Variants in DGKA observed in about 807,000 individuals in gnomAD.
DGKA encodes 80 kDa diacylglycerol kinase.
Under a neutral mutation model 105.0 loss-of-function variants are expected in DGKA, and 35 were observed. The observed-to-expected ratio is 0.33, with a 90% confidence interval of 0.25 to 0.44. The LOEUF (loss-of-function observed/expected upper bound fraction) is 0.44. DGKA is among the 20% of genes least tolerant of loss of function. The pLI is 1.00. For missense variants in DGKA, 665 were observed against 915.0 expected (o/e 0.73, Z 3.53); for synonymous variants, 296 against 332.0 (o/e 0.89, Z 1.18).
rs1883956215 is a variant in DGKA, at chr12:55,932,973, G to C, written c.-82+1629G>C. Reference sequence around the variant, plus strand: ...CCTCTGGGGCAGCCTCAATATTCTGGAGACATAGCTATTTCCTGAGTAATG... The same window carrying C: ...CCTCTGGGGCAGCCTCAATATTCTGCAGACATAGCTATTTCCTGAGTAATG... On this transcript the variant is annotated intron_variant, in intron 1 of 23. Coordinates refer to ENST00000331886, the MANE Select transcript of DGKA (RefSeq NM_001345.5). The surrounding 1 kb of genome is among the most constrained non-coding windows in gnomAD (Gnocchi z 4.3). The C allele has an allele frequency of 5.3e-6, 1 of 189,386 alleles. No individual in the cohort carries two copies. Among genetic ancestry groups the C allele is most frequent in the African/African-American group, 2.3e-5 (1 of 42,936 alleles). 11.7% of individuals were successfully genotyped at this position (189,386 alleles called of 1,614,324 possible).
At chr12:55,928,006 C>T, upstream of DGKA, 1 of 546,028 alleles carries the variant, frequency 1.8e-6, no homozygotes, top group Admixed American at 3.4e-5. Flanking sequence ...AGCGGGGCAA[C>T]TCGCCAATAA....
chr12:55,939,601 C>A, intron 9 of DGKA, 72 bp downstream of exon 9: 1 of 1,476,938 alleles, frequency 6.8e-7, no homozygotes, highest in Non-Finnish European at 9.4e-7. Context: ...ATGCTGTAAA[C>A]TTAGAAAAGA....
intron 17 of DGKA, among the ~76,000 whole-genome samples, chr12:55,943,962 C>G (rs1886512822): frequency 6.6e-6 from 1 of 152,070 alleles, no homozygotes; most frequent in South Asian, 2.1e-4. Context: ...CTAACTCAAC[C>G]TGAATCATGA....
chr12:55,937,656 G>A lies in DGKA; in HGVS notation c.274+113G>A, dbSNP rs960899593. On this transcript the variant is annotated intron_variant, in intron 4 of 23. Coordinates refer to ENST00000331886, the MANE Select transcript of DGKA (RefSeq NM_001345.5). ...CACGTTGTGCAGGTTGGGGGAAATT[G>A]GTGGAGAATAGTCAGGCTGGTCTAG... 1.2e-5 allele frequency: 17 copies of A among 1,400,414 alleles called. No individual in the cohort carries two copies. The African/African-American group carries it at 1.7e-4, about 14-fold the overall frequency. The allele number at this position is 1,400,414 out of a possible 1,614,324, so 86.7% of individuals were successfully genotyped here.
upstream of DGKA, chr12:55,930,673 C>G (rs1883486677): frequency 6.6e-6 from 1 of 152,160 alleles, no homozygotes; most frequent in Non-Finnish European, 1.5e-5. Flanking sequence ...GCCTTTGGCC[C>G]TTGTCTTTTT....
chr12:55,936,647 C>T, intron 2 of DGKA, 80 bp downstream of exon 2: 2 of 1,588,284 alleles, frequency 1.3e-6, no homozygotes, highest in Non-Finnish European at 1.7e-6. Context: ...ACCCCCTGCC[C>T]CCCAGCTTCC....
At chr12:55,927,397 A>G (rs1883213178), upstream of DGKA, 3 of 714,250 alleles carry the variant, frequency 4.2e-6, no homozygotes, top group South Asian at 2.9e-5. Flanking sequence ...TCTCATCCCC[A>G]GGAACTCCTC....
chr12:55,944,138 A>G (rs1886541939), intron 17 of DGKA, among the ~76,000 whole-genome samples: 1 of 152,178 alleles, frequency 6.6e-6, no homozygotes, highest in African/African-American at 2.4e-5. Context: ...TCTACAAAAT[A>G]TTTTTTAAAA....
chr12:55,938,343 T>C, intron 5 of DGKA, 168 bp from the exon 6 acceptor site: 2 of 851,610 alleles, frequency 2.3e-6, no homozygotes, highest in Non-Finnish European at 3.8e-6. Context: ...GAGGGTAGAG[T>C]CCATGCCTGT....
chr12:55,931,496 G>A (rs1378940119), intron 1 of DGKA, 152 bp downstream of exon 1: 2 of 152,696 alleles, frequency 1.3e-5, no homozygotes, highest in Non-Finnish European at 2.9e-5. Flanking sequence ...ACGTGAAGAA[G>A]GTGGGGAGAT....
At position 55,932,373 on chromosome 12, in the gene DGKA, G is replaced by C; in HGVS notation, c.-82+1029G>C. 1 of 599,210 alleles carries C rather than the reference G, an allele frequency of 1.7e-6. No homozygotes were observed. The highest frequency in any genetic ancestry group is 3.0e-6 in the Non-Finnish European group (1 of 332,788). 37.1% of individuals were successfully genotyped at this position (599,210 alleles called of 1,614,324 possible). ...TCCCTCCCGCTCATTCGGAGGGATG[G>C]TGAAGCCCGGTTCCTGGGACCCGAC... On this transcript the variant is annotated intron_variant, in intron 1 of 23. Transcript: ENST00000331886. This position sits in a 1 kb window ranked among gnomAD's most constrained non-coding sequence, Gnocchi z 4.3.
chr12:55,936,448 A>G lies in DGKA; in HGVS notation c.-56A>G. 6.3e-7 allele frequency: 1 copy of G among 1,599,900 alleles called. No homozygotes were observed. Among genetic ancestry groups the G allele is most frequent in the Non-Finnish European group, 8.5e-7 (1 of 1,171,410 alleles). On this transcript the variant is annotated 5_prime_UTR_variant, in exon 2 of 24. Coordinates refer to ENST00000331886, the MANE Select transcript of DGKA (RefSeq NM_001345.5). ...GCCTACCCTCTGAAGAGGTCCAAGC[A>G]ACGGAAGTACTACTACGAAGCTGCC... is the stretch of plus-strand genomic sequence containing the variant.
chr12:55,952,905 C>T lies in DGKA; in HGVS notation c.1915C>T (p.Pro639Ser). 1.9e-6 allele frequency: 3 copies of T among 1,614,158 alleles called. No homozygotes were observed. Among genetic ancestry groups the T allele is most frequent in the South Asian group, 1.1e-5 (1 of 91,086 alleles). The stretch of plus-strand genomic sequence containing the variant: ...TGCTACAGCTAAAGTCATCACCGAC[C>T]CTGATATCCTGAAAACCTGTGTACC... ...LGATAKVITDPDILKTCVPDL... is the reference protein window; with the variant it reads ...LGATAKVITDSDILKTCVPDL... Residue 639 changes from proline (P) to serine (S), a missense_variant, in exon 21 of 24, where the codon CCT (proline) becomes TCT (serine). This residue lies in a region of DGKA where 158 missense variants were observed against 213.4 expected (regional missense o/e 0.74). Transcript: ENST00000331886. This position sits in a 1 kb window ranked among gnomAD's most constrained non-coding sequence, Gnocchi z 5.1.
At chr12:55,933,300 C>T (rs1884021413) in intron 1 of DGKA, among the ~76,000 whole-genome samples, 1 of 152,166 alleles carries the variant, frequency 6.6e-6, no homozygotes, top group African/African-American at 2.4e-5. Flanking sequence ...GATTCTCTGC[C>T]TCCAAGTCAA....
Position 55,951,672 on chromosome 12 carries a change from T to A in DGKA, c.1476T>A (p.Ser492Arg). ...LAKILKDLEM[S>R]KVVHMDRWSV... is the part of the protein sequence containing the mutation. Reference sequence around the variant, plus strand: ...AGATCCTCAAGGATTTAGAGATGAGTAAAGTGGTACATATGGATCGATGGT... The same window carrying A: ...AGATCCTCAAGGATTTAGAGATGAGAAAAGTGGTACATATGGATCGATGGT... The change falls in exon 18 of 24, where the codon AGT becomes AGA. Residue 492 changes from serine to arginine, a missense_variant. This residue lies in a region of DGKA where 504 missense variants were observed against 681.2 expected (regional missense o/e 0.74). Coordinates refer to ENST00000331886, the MANE Select transcript of DGKA (RefSeq NM_001345.5). The A allele has an allele frequency of 6.2e-7, 1 of 1,613,926 alleles. No individual in the cohort carries two copies. Among genetic ancestry groups the A allele is most frequent in the Non-Finnish European group, 8.5e-7 (1 of 1,180,000 alleles).
Position 55,940,089 on chromosome 12 carries a change from G to T in DGKA, c.717G>T (p.Lys239Asn). Residue 239 changes from lysine (K) to asparagine (N), a missense_variant, in exon 10 of 24, where the codon AAG (lysine) becomes AAT (asparagine). By Grantham distance (94) the Lys-to-Asn change is moderately conservative. This residue lies in a region of DGKA where 504 missense variants were observed against 681.2 expected (regional missense o/e 0.74). Coordinates refer to ENST00000331886, the MANE Select transcript of DGKA (RefSeq NM_001345.5). The surrounding 1 kb of genome is among the most constrained non-coding windows in gnomAD (Gnocchi z 4.3). ...TTCTTCCTTCTCCCTCAGTCTGTAAGTACACTGTTCACGACCAGTGTGCCA... is the reference window on the plus strand; with the variant it reads ...TTCTTCCTTCTCCCTCAGTCTGTAATTACACTGTTCACGACCAGTGTGCCA... ...GKQGLSCNLC[K>N]YTVHDQCAMK... 6.2e-7 allele frequency: 1 copy of T among 1,614,190 alleles called. No individual in the cohort carries two copies. Among genetic ancestry groups the T allele is most frequent in the Non-Finnish European group, 8.5e-7 (1 of 1,180,020 alleles).
rs1294923832 is a variant in DGKA at position 55,941,076 on chromosome 12, G to A, written c.1101+96G>A. The A allele has an allele frequency of 2.6e-5, 37 of 1,418,308 alleles. 1 individual carries two copies. Among genetic ancestry groups the A allele is most frequent in the Admixed American group, 1.6e-4 (8 of 50,620 alleles). 87.9% of individuals were successfully genotyped at this position (1,418,308 alleles called of 1,614,324 possible). On this transcript the variant is annotated intron_variant, in intron 13 of 23. Coordinates refer to ENST00000331886, the MANE Select transcript of DGKA (RefSeq NM_001345.5). ...GAAGTGGGAGAGCCTGGTGGGGAGCGGTTGATGCTCACTCTCCAGAAACTC... is the reference window on the plus strand; with the variant it reads ...GAAGTGGGAGAGCCTGGTGGGGAGCAGTTGATGCTCACTCTCCAGAAACTC...
At chr12:55,944,081 A>C (rs1456081075) in intron 17 of DGKA, among the ~76,000 whole-genome samples, 1 of 152,216 alleles carries the variant, frequency 6.6e-6, no homozygotes, top group Non-Finnish European at 1.5e-5. Context: ...AGATCGCTTT[A>C]AGCCAGGAGC....
At chr12:55,951,431 T>A (rs1888118716) in intron 17 of DGKA, among the ~76,000 whole-genome samples, 192 bp from the exon 18 acceptor site, 1 of 152,140 alleles carries the variant, frequency 6.6e-6, no homozygotes, top group South Asian at 2.1e-4. Context: ...ATTGGAAACA[T>A]TCACCCTCCA....
Sources: allele counts gnomAD v4.1 joint callset (sites outside exome capture counted in the v4.1 genomes callset), GRCh38; gene constraint gnomAD v4.1.1; regional missense constraint gnomAD v4.1.1; non-coding constraint Gnocchi (gnomAD v3.1); transcripts MANE v1.5; gene names NCBI Gene and HGNC (gene_info 2026-07-23, HGNC 2026-07-21).